DDX60L: variants seen among roughly 807,000 people sequenced by gnomAD.
DDX60L encodes the protein DExD/H-box 60 like.
DDX60L carries 191 observed loss-of-function variants against 211.6 expected under a neutral mutation model. That is an observed-to-expected ratio of 0.90 (90% CI 0.80 to 1.02). The LOEUF (loss-of-function observed/expected upper bound fraction) is 1.02, where lower values mean the gene tolerates loss of function less well. Among genes scored for constraint, DDX60L ranks in the 50% least tolerant of loss-of-function variants. The probability of loss-of-function intolerance (pLI) is 0.00; values close to 1 mark genes in which losing one functional copy is unlikely to be tolerated. For synonymous variants in DDX60L, 706 were observed against 694.1 expected, an observed-to-expected ratio of 1.02 and a Z score of -0.27; for missense variants, 2,007 against 1,984.1, an observed-to-expected ratio of 1.01 and a Z score of -0.22.
intron 13 of DDX60L, among the ~76,000 whole-genome samples, chr4:168,427,603 CAAA>C (rs1751671016): frequency 6.6e-6 from 1 of 152,028 alleles, no homozygotes; most frequent in Admixed American, 6.5e-5. Flanking sequence ...TGGAAGAAAA[CAAA>C]GAAGAGAAAG....
At chr4:168,433,443 G>A (rs78576330) in intron 10 of DDX60L, among the ~76,000 whole-genome samples, 1 of 151,776 alleles carries the variant, frequency 6.6e-6, no homozygotes, top group Admixed American at 6.6e-5. Flanking sequence ...AGTAATAACA[G>A]CACTTGAAAA....
chr4:168,416,193 T>C (rs1379551271), intron 20 of DDX60L, among the ~76,000 whole-genome samples: 15 of 152,236 alleles, frequency 9.9e-5, no homozygotes, highest in Admixed American at 8.5e-4. Flanking sequence ...GTTGTTCTTA[T>C]GATTGTCATC....
intron 26 of DDX60L, among the ~76,000 whole-genome samples, chr4:168,398,892 A>T (rs550100634): frequency 7.3e-5 from 11 of 151,596 alleles, no homozygotes; most frequent in Non-Finnish European, 1.5e-4. Flanking sequence ...AAGAGGAGTG[A>T]CCCACTCCAG....
At chr4:168,412,282 C>T (rs1047626143) in intron 22 of DDX60L, among the ~76,000 whole-genome samples, 2 of 152,048 alleles carry the variant, frequency 1.3e-5, no homozygotes, top group Non-Finnish European at 2.9e-5. Flanking sequence ...ACTGAGCAGG[C>T]TCTTGGGGTC....
chr4:168,464,736 T>C (rs1757758473), intron 4 of DDX60L, among the ~76,000 whole-genome samples: 1 of 152,098 alleles, frequency 6.6e-6, no homozygotes, highest in Admixed American at 6.5e-5. Flanking sequence ...CTTCTAACTA[T>C]GTGAAAAAAT....
intron 3 of DDX60L, 144 bp from the exon 4 acceptor site, chr4:168,472,080 C>G: frequency 1.6e-6 from 1 of 636,620 alleles, no homozygotes; most frequent in South Asian, 2.1e-5. Flanking sequence ...CTCATTTAAG[C>G]AACTGTCCTT....
intron 10 of DDX60L, among the ~76,000 whole-genome samples, chr4:168,434,625 G>A (rs1025318603): frequency 1.3e-5 from 2 of 152,182 alleles, no homozygotes; most frequent in African/African-American, 4.8e-5. Context: ...AGTAGTTATG[G>A]TTACCATAAT....
intron 5 of DDX60L, among the ~76,000 whole-genome samples, chr4:168,461,387 A>G (rs777265935): frequency 5.3e-5 from 8 of 152,220 alleles, no homozygotes; most frequent in South Asian, 2.1e-4. Context: ...ACATGAGCAA[A>G]TTACTTCAAT....
At chr4:168,379,858 CTA>C (rs1560950517) in intron 30 of DDX60L, 28 bp from the exon 31 acceptor site, 3 of 1,517,596 alleles carry the variant, frequency 2.0e-6, no homozygotes, top group African/African-American at 1.4e-5. Flanking sequence ...TTTAATTTAT[CTA>C]GTTTTAAACA....
rs1326685050 is a variant in DDX60L at position 168,457,960 on chromosome 4, C to G, written c.655G>C (p.Glu219Gln). Reference protein sequence around the residue: ...SAYKSLIQHLEEIRVLVLATH... With the variant: ...SAYKSLIQHLQEIRVLVLATH... ...GCTAATACTAAAACCCTTATTTCTT[C>G]CAAGTGTTGTATGAGGCTTTTATAT... The change falls in exon 6 of 38, where the codon GAA (glutamate) becomes CAA (glutamine). Residue 219 changes from glutamate to glutamine, a missense_variant. Transcript: ENST00000682922. The G allele has an allele frequency of 6.4e-7, 1 of 1,570,934 alleles. No homozygotes were observed. The highest frequency in any genetic ancestry group is 8.7e-7 in the Non-Finnish European group (1 of 1,155,616).
chr4:168,368,283 G>A (rs1036175826), intron 36 of DDX60L, among the ~76,000 whole-genome samples: 1 of 152,218 alleles, frequency 6.6e-6, no homozygotes, highest in African/African-American at 2.4e-5. Context: ...TCCAGCCATG[G>A]CTGAAAAAGG....
At chr4:168,423,576 A>AT (rs370612661) in intron 15 of DDX60L, 32 bp downstream of exon 15, 92,479 of 1,471,026 alleles carry the variant, frequency 0.063, 3,624 homozygotes, top group African/African-American at 0.18. Flanking sequence ...TTGAGTAAAA[A>AT]TTTAAAGTAT....
At chr4:168,400,793 G>A (rs768653483) in intron 26 of DDX60L, 33 bp downstream of exon 26, 26 of 1,563,386 alleles carry the variant, frequency 1.7e-5, no homozygotes, top group African/African-American at 4.1e-5. Flanking sequence ...AGTCTTCAGG[G>A]GCCAATTTGT....
At chr4:168,447,388 G>T (rs1201392090) in intron 9 of DDX60L, among the ~76,000 whole-genome samples, 2 of 147,050 alleles carry the variant, frequency 1.4e-5, no homozygotes, top group Non-Finnish European at 3.0e-5. Flanking sequence ...AACAACAGGT[G>T]CTGGAGAGGA....
intron 4 of DDX60L, 143 bp downstream of exon 4, chr4:168,471,604 A>T: frequency 1.7e-6 from 1 of 584,772 alleles, no homozygotes; most frequent in Non-Finnish European, 2.8e-6. Flanking sequence ...TAGTGAAATT[A>T]TGGGTAATTT....
chr4:168,375,825 T>C (rs1207795570), intron 33 of DDX60L, among the ~76,000 whole-genome samples: 1 of 152,214 alleles, frequency 6.6e-6, no homozygotes, highest in Non-Finnish European at 1.5e-5. Context: ...TTGAGGGACA[T>C]ATTTAGAGAG....
chr4:168,382,150 T>A (rs1390302654), intron 30 of DDX60L, among the ~76,000 whole-genome samples: 1 of 152,230 alleles, frequency 6.6e-6, no homozygotes, highest in African/African-American at 2.4e-5. Context: ...TTATTAAATT[T>A]AAATTTTAAT....
At chr4:168,390,514 A>G in intron 29 of DDX60L, 2 of 1,433,372 alleles carry the variant, frequency 1.4e-6, no homozygotes, top group Non-Finnish European at 1.8e-6. Context: ...ATTCCAGTCT[A>G]GGAGAGTTCA....
intron 23 of DDX60L, among the ~76,000 whole-genome samples, chr4:168,406,390 A>G (rs944346121): frequency 2.6e-5 from 4 of 152,214 alleles, no homozygotes; most frequent in Non-Finnish European, 5.9e-5. Context: ...AAAAGAAGAC[A>G]TATTTTTGAG....
Sources: gnomAD v4.1 joint callset for allele counts (sites outside exome capture counted in the v4.1 genomes callset) on GRCh38, gnomAD v4.1.1 for gene constraint, MANE v1.5 for transcripts, NCBI Gene and HGNC (gene_info 2026-07-23, HGNC 2026-07-21) for gene names.